Variants in DNAH11 observed in about 807,000 individuals in gnomAD.
The protein encoded by DNAH11 is dynein axonemal heavy chain 11.
A neutral mutation model predicts 526.0 loss-of-function variants in DNAH11; 442 were observed. The ratio of observed to expected loss-of-function variants is 0.84; its 90% CI spans 0.78 to 0.91. DNAH11 has a LOEUF of 0.91. Ranked by LOEUF, DNAH11 falls within the 40% of genes least tolerant of loss-of-function variation. The pLI is 0.00. For synonymous variants in DNAH11, 2,461 were observed against 1,935.9 expected, an observed-to-expected ratio of 1.27 and a Z score of -7.12; for missense variants, 6,989 against 5,448.7, an observed-to-expected ratio of 1.28 and a Z score of -8.90.
At chr7:21,668,936 A>G (rs1583578153) in intron 30 of DNAH11, among the ~76,000 whole-genome samples, 1 of 152,316 alleles carries the variant, frequency 6.6e-6, no homozygotes, top group Admixed American at 6.5e-5. Context: ...TAATACTACC[A>G]TGGACAATGT....
At chr7:21,661,701 T>C (rs567326362) in intron 30 of DNAH11, among the ~76,000 whole-genome samples, 2 of 152,288 alleles carry the variant, frequency 1.3e-5, no homozygotes, top group South Asian at 4.1e-4. Context: ...ATTAGCTATG[T>C]GACTATGGAC....
intron 63 of DNAH11, among the ~76,000 whole-genome samples, chr7:21,812,349 C>T (rs1019999275): frequency 1.3e-5 from 2 of 152,026 alleles, no homozygotes; most frequent in African/African-American, 4.8e-5. Context: ...CAACTCTTTC[C>T]CACACCCACT....
At position 21,741,228 on chromosome 7, in the gene DNAH11, C is replaced by T. The variant is rs114926618; in HGVS notation, c.7915-699C>T. ...CTTTCCAAATAGGCTTTTTTTTCCA[C>T]GTAGCTTAACTATGCATTTAAGATT... On this transcript the variant is annotated intron_variant, in intron 48 of 81. Coordinates refer to ENST00000409508, the MANE Select transcript of DNAH11 (RefSeq NM_001277115.2). Among the ~76,000 whole-genome samples, 548 of 152,192 alleles carry T rather than the reference C, an allele frequency of 3.6e-3. 3 individuals carry two copies. Among genetic ancestry groups the T allele is most frequent in the Admixed American group, 5.6e-3 (85 of 15,286 alleles).
Position 21,612,554 on chromosome 7 carries a change from C to CAAAAAAAAAAA in DNAH11, c.3853-2548_3853-2538dup, listed in dbSNP as rs34356379. Among the ~76,000 whole-genome samples the CAAAAAAAAAAA allele has an allele frequency of 4.3e-4, 35 of 81,218 alleles. 1 individual carries two copies. The highest frequency in any genetic ancestry group is 1.7e-3 in the African/African-American group (32 of 19,212). 53.3% of individuals were successfully genotyped at this position (81,218 alleles called of 152,430 possible). On this transcript the variant is annotated intron_variant, in intron 20 of 81. Transcript: ENST00000409508. Reference sequence around the variant, plus strand: ...TGGGCGACAGAGTGAGGCTCCGTCTCAAAAAAAAAAAAAAAAAAAAAAGAG... The same window carrying CAAAAAAAAAAA: ...TGGGCGACAGAGTGAGGCTCCGTCTCAAAAAAAAAAAAAAAAAAAAAAAAAAAAAAAAAGAG...
chr7:21,598,664 G>A (rs1052273698), intron 14 of DNAH11, among the ~76,000 whole-genome samples: 2 of 152,120 alleles, frequency 1.3e-5, no homozygotes, highest in Non-Finnish European at 2.9e-5. Context: ...AAGGTTTATT[G>A]TACAGATTAT....
At chr7:21,616,377 T>C (rs960405957) in intron 22 of DNAH11, 85 bp downstream of exon 22, 21 of 1,060,464 alleles carry the variant, frequency 2.0e-5, no homozygotes, top group South Asian at 1.6e-4. Context: ...ATCTGGTGTA[T>C]TGGGCTGCAT....
chr7:21,810,983 A>G (rs1789490406), intron 63 of DNAH11, among the ~76,000 whole-genome samples: 1 of 152,250 alleles, frequency 6.6e-6, no homozygotes, highest in East Asian at 1.9e-4. Context: ...TTTGCTTGCC[A>G]TTGTTTATAG....
At chr7:21,647,600 T>G (rs2128462749) in intron 28 of DNAH11, among the ~76,000 whole-genome samples, 1 of 151,972 alleles carries the variant, frequency 6.6e-6, no homozygotes, top group South Asian at 2.1e-4. Context: ...TGGCTAATTT[T>G]TTTTGTATTT....
At chr7:21,656,066 C>A (rs566324518) in intron 29 of DNAH11, 85 bp downstream of exon 29, 20 of 1,413,612 alleles carry the variant, frequency 1.4e-5, no homozygotes, top group Non-Finnish European at 1.9e-5. Context: ...GCAAAAAATT[C>A]AACCCAGGTC....
rs568265109 is a variant in DNAH11, at chr7:21,725,722, C to T, written c.7267-89C>T. On this transcript the variant is annotated intron_variant, in intron 44 of 81. Coordinates refer to ENST00000409508, the MANE Select transcript of DNAH11 (RefSeq NM_001277115.2). The stretch of plus-strand genomic sequence containing the variant: ...TATATGGCAATTTTAGGTTTCTACC[C>T]CTATGATATTGTTACTCATAATTTG... 10 of 1,333,468 alleles carry T rather than the reference C, an allele frequency of 7.5e-6. No homozygotes were observed. The East Asian group carries it at 2.5e-4, about 33-fold the overall frequency. 82.6% of individuals were successfully genotyped at this position (1,333,468 alleles called of 1,614,324 possible).
At chr7:21,886,105 G>A (rs1583812266) in intron 76 of DNAH11, among the ~76,000 whole-genome samples, 1 of 152,204 alleles carries the variant, frequency 6.6e-6, no homozygotes, top group East Asian at 1.9e-4. Context: ...CACCAACTCT[G>A]TTTAAAGCAA....
chr7:21,692,714 C>T (rs1227436460), intron 35 of DNAH11, among the ~76,000 whole-genome samples: 2 of 152,202 alleles, frequency 1.3e-5, no homozygotes, highest in Non-Finnish European at 2.9e-5. Flanking sequence ...GTCTACATGG[C>T]AATTGTGTGC....
Position 21,648,706 on chromosome 7 carries a change from A to G in DNAH11, c.4945-7126A>G, listed in dbSNP as rs367946530. Among the ~76,000 whole-genome samples, 96 of 152,336 alleles carry G rather than the reference A, an allele frequency of 6.3e-4. No homozygotes were observed. The South Asian group carries it at 0.02, about 32-fold the overall frequency. ...GTTATACTGCAAAGTTAATTAATAT[A>G]TGTTATGTATTTACATATTTATATA... On this transcript the variant is annotated intron_variant, in intron 28 of 81. Coordinates refer to ENST00000409508, the MANE Select transcript of DNAH11 (RefSeq NM_001277115.2).
At chr7:21,860,874 G>C (rs752119824) in intron 68 of DNAH11, among the ~76,000 whole-genome samples, 48 of 152,274 alleles carry the variant, frequency 3.2e-4, no homozygotes, top group South Asian at 6.2e-4. Flanking sequence ...CATGGCAGCA[G>C]GCAAGACAGA....
chr7:21,784,670 G>A, intron 58 of DNAH11, 130 bp downstream of exon 58: 1 of 611,916 alleles, frequency 1.6e-6, no homozygotes, highest in South Asian at 3.2e-5. Flanking sequence ...AAGCACCCAT[G>A]AAATATTAAA....
rs1786820051 is a variant in DNAH11, at chr7:21,635,524, A to C, written c.4501-347A>C. On this transcript the variant is annotated intron_variant, in intron 25 of 81. Coordinates refer to ENST00000409508, the MANE Select transcript of DNAH11 (RefSeq NM_001277115.2). ...ATGACTAATAGGCAGGGATGAGGGG[A>C]AGAGCAATGAAAGAATACAGTTTAA... Among the ~76,000 whole-genome samples the C allele has an allele frequency of 2.0e-5, 3 of 152,136 alleles. No individual in the cohort carries two copies. The South Asian group carries it at 6.2e-4, about 32-fold the overall frequency.
At chr7:21,822,290 G>C (rs1790089446) in intron 65 of DNAH11, among the ~76,000 whole-genome samples, 1 of 152,266 alleles carries the variant, frequency 6.6e-6, no homozygotes, top group Non-Finnish European at 1.5e-5. Flanking sequence ...ACGGGGAGCA[G>C]ACATGTCACA....
At chr7:21,613,256 A>T (rs368187679) in intron 20 of DNAH11, among the ~76,000 whole-genome samples, 1 of 152,226 alleles carries the variant, frequency 6.6e-6, no homozygotes, top group Non-Finnish European at 1.5e-5. Context: ...CATAAATTTT[A>T]ACATTTAGCG....
intron 14 of DNAH11, among the ~76,000 whole-genome samples, chr7:21,598,850 G>C (rs1259703882): frequency 6.6e-6 from 1 of 152,146 alleles, no homozygotes; most frequent in Non-Finnish European, 1.5e-5. Flanking sequence ...TTGGTTTTCT[G>C]CTCCTGCATT....
Sources: gnomAD v4.1 joint callset for allele counts (sites outside exome capture counted in the v4.1 genomes callset) on GRCh38, gnomAD v4.1.1 for gene constraint, MANE v1.5 for transcripts, NCBI Gene and HGNC (gene_info 2026-07-23, HGNC 2026-07-21) for gene names.